CD320: variants seen among roughly 807,000 people sequenced by gnomAD.
CD320 encodes CD320 molecule.
In CD320, 16 loss-of-function variants were observed where a neutral mutation model predicts 22.1. The observed-to-expected ratio is 0.73, with a 90% CI of 0.49 to 1.10. The LOEUF (loss-of-function observed/expected upper bound fraction) is 1.10, where lower values mean the gene tolerates loss of function less well. Among genes scored for constraint, CD320 ranks in the 50% least tolerant of loss-of-function variants. The pLI is 0.00. For synonymous variants in CD320, 188 were observed against 167.8 expected (o/e 1.12, Z -0.93); for missense variants, 388 against 376.9 (o/e 1.03, Z -0.24).
At chr19:8,304,333 G>A (rs1308591895) in intron 2 of CD320, among the ~76,000 whole-genome samples, 1 of 152,108 alleles carries the variant, frequency 6.6e-6, no homozygotes. Context: ...CTATTTGTTT[G>A]TTTGTTTCTT....
intron 3 of CD320, 132 bp from the exon 4 acceptor site, chr19:8,303,112 G>GTA: frequency 1.0e-5 from 6 of 600,510 alleles, no homozygotes; most frequent in Admixed American, 3.0e-5. Context: ...CCGTAATTAT[G>GTA]TCTTTTTTTT....
intron 1 of CD320, among the ~76,000 whole-genome samples, chr19:8,306,948 A>T (rs1163696268): frequency 6.6e-6 from 1 of 152,182 alleles, no homozygotes; most frequent in African/African-American, 2.4e-5. Context: ...TCCTGGCCTC[A>T]GTTTCCTCAC....
At position 8,304,856 on chromosome 19, in the gene CD320, T is replaced by C. The variant is rs115415049; in HGVS notation, c.268+175A>G. 4.9e-3 allele frequency: 3,244 copies of C among 657,446 alleles called. 90 individuals are homozygous for C. The African/African-American group carries it at 0.054, about 11-fold the overall frequency. The allele number at this position is 657,446 out of a possible 1,614,324, so 40.7% of individuals were successfully genotyped here. On this transcript the variant is annotated intron_variant, in intron 2 of 4. Transcript: ENST00000301458. The stretch of plus-strand genomic sequence containing the variant: ...TGCTGGGATTGCAGGCGTGAGCCAC[T>C]GCGCCCAGCCCAAGCCCATCTTAGA...
Position 8,302,187 on chromosome 19 carries a change from C to T in CD320, c.*276G>A, listed in dbSNP as rs909362624. ...CGGGGCAGCAGGAGTGTCTTAAGCA[C>T]AGGGCCGTTCTACCCCCTGGGAGCT... On this transcript the variant is annotated 3_prime_UTR_variant, in exon 5 of 5. Coordinates refer to ENST00000301458, the MANE Select transcript of CD320 (RefSeq NM_016579.4). The T allele has an allele frequency of 7.4e-5, 47 of 634,698 alleles. No homozygotes were observed. The Admixed American group carries it at 9.2e-4, about 12-fold the overall frequency. 39.3% of individuals were successfully genotyped at this position (634,698 alleles called of 1,614,324 possible).
At chr19:8,303,303 G>C (rs951229985) in intron 3 of CD320, among the ~76,000 whole-genome samples, 1 of 152,042 alleles carries the variant, frequency 6.6e-6, no homozygotes, top group African/African-American at 2.4e-5. Flanking sequence ...TTTTAGTAGA[G>C]ACAGGATTTC....
chr19:8,304,922 C>G (rs1409691396), intron 2 of CD320, 109 bp downstream of exon 2: 24 of 1,338,442 alleles, frequency 1.8e-5, no homozygotes, highest in Admixed American at 5.1e-5. Context: ...CGCACCCATC[C>G]CTGCGGCCCT....
At chr19:8,302,728 A>G in intron 4 of CD320, 49 bp downstream of exon 4, 1 of 1,608,580 alleles carries the variant, frequency 6.2e-7, no homozygotes, top group Non-Finnish European at 8.5e-7. Flanking sequence ...ACCTCCCCTG[A>G]ATCCCCGGAG....
intron 1 of CD320, 97 bp from the exon 2 acceptor site, chr19:8,305,253 A>C: frequency 6.9e-7 from 1 of 1,452,710 alleles, no homozygotes. Context: ...GAGACAGGCG[A>C]AGTCCCGGGA....
In CD320 at chr19:8,302,472, C is replaced by T. The variant is rs2232787; in HGVS notation, c.840G>A (p.Ser280=). 786 of 1,614,116 alleles carry T rather than the reference C, an allele frequency of 4.9e-4. 3 individuals carry two copies. In the African/African-American group the frequency reaches 8.7e-3, roughly 18 times the overall value. Residue 280 remains serine (S), a synonymous_variant, in exon 5 of 5, where the codon TCG becomes TCA. Transcript: ENST00000301458. ...ESLLLSEQKT[S]LP Reference sequence around the variant, plus strand: ...TGGCAAGTGCTTGTCCTCAGGGCAGCGAGGTCTTCTGTTCTGACAGCAGCA... The same window carrying T: ...TGGCAAGTGCTTGTCCTCAGGGCAGTGAGGTCTTCTGTTCTGACAGCAGCA...
intron 2 of CD320, 104 bp from the exon 3 acceptor site, chr19:8,304,192 C>T (rs948672457): frequency 1.5e-6 from 1 of 653,842 alleles, no homozygotes; most frequent in African/African-American, 2.1e-5. Context: ...AACAGCTGAG[C>T]CCAAAAAAAT....
intron 3 of CD320, 134 bp from the exon 4 acceptor site, chr19:8,303,114 CTTT>C (rs909856646): frequency 0.014 from 7,017 of 496,168 alleles, no homozygotes; most frequent in East Asian, 0.02. Flanking sequence ...GTAATTATGT[CTTT>C]TTTTTTTTTT....
rs550390075 is a variant in CD320, at chr19:8,302,849, C to A, written c.634G>T (p.Gly212Trp). 3.7e-6 allele frequency: 6 copies of A among 1,613,946 alleles called. No homozygotes were observed. The highest frequency in any genetic ancestry group is 1.3e-5 in the African/African-American group (1 of 74,890). Residue 212 changes from glycine to tryptophan, a missense_variant, in exon 4 of 5, where the codon GGG (glycine) becomes TGG (tryptophan). Coordinates refer to ENST00000301458, the MANE Select transcript of CD320 (RefSeq NM_016579.4). ...CCGGCAGAGGAGGATGTGGCATTCCCGACAGAGGGGACACTCTCCAGGGTC... is the reference window on the plus strand; with the variant it reads ...CCGGCAGAGGAGGATGTGGCATTCCAGACAGAGGGGACACTCTCCAGGGTC... ...PVTLESVPSV[G>W]NATSSSAGDQ...
chr19:8,306,773 T>G (rs1479334605), intron 1 of CD320, among the ~76,000 whole-genome samples: 1 of 152,192 alleles, frequency 6.6e-6, no homozygotes, highest in Non-Finnish European at 1.5e-5. Context: ...CCTCCAGGTG[T>G]GGCTCTCCAC....
intron 2 of CD320, 26 bp from the exon 3 acceptor site, chr19:8,304,114 C>G (rs1258915010): frequency 8.1e-7 from 1 of 1,238,924 alleles, no homozygotes; most frequent in South Asian, 1.3e-5. Context: ...GGTCAGGTCC[C>G]AAATGCCCAC....
chr19:8,305,343 A>T, intron 1 of CD320, 187 bp from the exon 2 acceptor site: 1 of 644,454 alleles, frequency 1.6e-6, no homozygotes, highest in Non-Finnish European at 2.7e-6. Flanking sequence ...TCCTGGGCTC[A>T]AGAGCCCCAC....
rs1261046752 is a variant in CD320, at chr19:8,302,582, T to C, written c.730A>G (p.Thr244Ala). Residue 244 changes from threonine (T) to alanine (A), a missense_variant, in exon 5 of 5, where the codon ACC (threonine) becomes GCC (alanine). By Grantham distance (58) the Thr-to-Ala change is moderately conservative (BLOSUM62 0). Coordinates refer to ENST00000301458, the MANE Select transcript of CD320 (RefSeq NM_016579.4). The stretch of plus-strand genomic sequence containing the variant: ...CAGGACAAAAGGAGGAGGGTGGCGG[T>C]GACCAGGCTTGCACTGAGCACCGCT... ...AAAVLSASLV[T>A]ATLLLLSWLR... 1.2e-6 allele frequency: 2 copies of C among 1,613,520 alleles called. No homozygotes were observed.
intron 1 of CD320, 73 bp downstream of exon 1, chr19:8,308,076 G>A (rs924274183): frequency 2.2e-6 from 3 of 1,360,448 alleles, no homozygotes; most frequent in Non-Finnish European, 2.9e-6. Flanking sequence ...CCAGTGACTA[G>A]GCGTTGTCGG....
Position 8,308,210 on chromosome 19 carries a change from G to T in CD320, c.81C>A (p.Leu27=). 6.4e-7 allele frequency: 1 copy of T among 1,573,216 alleles called. No individual in the cohort carries two copies. Residue 27 remains leucine, a synonymous_variant, in exon 1 of 5, where the codon CTC becomes CTA. Coordinates refer to ENST00000301458, the MANE Select transcript of CD320 (RefSeq NM_016579.4). ...LGLALLLLLG[L]GLGLEAAASP... ...TCGCGGCGGCCTCCAGGCCTAGTCC[G>T]AGGCCGAGCAGCAGCAGCAGCGCCA...
At chr19:8,305,217 C>A (rs762995352) in intron 1 of CD320, 61 bp from the exon 2 acceptor site, 62 of 1,543,330 alleles carry the variant, frequency 4.0e-5, no homozygotes, top group East Asian at 2.2e-4. Flanking sequence ...TCCAAGAGCA[C>A]AGTAGTCACT....
Sources: allele counts gnomAD v4.1 joint callset (sites outside exome capture counted in the v4.1 genomes callset), GRCh38; gene constraint gnomAD v4.1.1; transcripts MANE v1.5; gene names NCBI Gene and HGNC (gene_info 2026-07-23, HGNC 2026-07-21).